Variants in CCDC88A observed in about 807,000 individuals in gnomAD.
CCDC88A encodes coiled-coil and HOOK domain protein 88A.
CCDC88A carries 54 observed loss-of-function variants against 234.3 expected under a neutral mutation model. The observed-to-expected ratio is 0.23, with a 90% CI of 0.19 to 0.29. The LOEUF (loss-of-function observed/expected upper bound fraction) is 0.29, where lower values mean the gene tolerates loss of function less well. CCDC88A is among the 10% of genes least tolerant of loss of function. The pLI is 1.00. For missense variants in CCDC88A, 1,832 were observed against 2,123.4 expected (o/e 0.86, Z 2.70); for synonymous variants, 753 against 737.8 (o/e 1.02, Z -0.33).
chr2:55,341,140 CTTTTTTTTTTTTTT>C (rs562623314), intron 12 of CCDC88A, among the ~76,000 whole-genome samples: 1 of 81,364 alleles, frequency 1.2e-5, no homozygotes. Flanking sequence ...GAATTTCTTT[CTTTTTTTTTTTTTT>C]TTTTTTTTTG....
intron 17 of CCDC88A, among the ~76,000 whole-genome samples, chr2:55,325,281 C>T (rs1005896970): frequency 6.6e-6 from 1 of 152,138 alleles, no homozygotes; most frequent in Admixed American, 6.5e-5. Flanking sequence ...TAAATTCATC[C>T]ATAAGTATTT....
chr2:55,301,337 T>C, intron 27 of CCDC88A, 60 bp from the exon 28 acceptor site: 1 of 882,684 alleles, frequency 1.1e-6, no homozygotes, highest in South Asian at 1.6e-5. Flanking sequence ...CATTATAAAA[T>C]TTTATTTACA....
At chr2:55,304,050 T>C (rs1206355465) in intron 25 of CCDC88A, among the ~76,000 whole-genome samples, 1 of 152,214 alleles carries the variant, frequency 6.6e-6, no homozygotes, top group African/African-American at 2.4e-5. Flanking sequence ...AGCTTCTGCC[T>C]GTAATCCCAG....
rs1680022700 is a variant in CCDC88A at position 55,296,272 on chromosome 2, G to A, written c.5077C>T (p.Leu1693Phe). The change falls in exon 30 of 33, where the codon CTT becomes TTT. Residue 1693 changes from leucine (L) to phenylalanine (F), a missense_variant. Transcript: ENST00000436346. ...LQQFLEESNK[L>F]TSVQIKSSSQ... ...ATAAAACTAACCTGTACTGAGGTAA[G>A]CTTATTGCTTTCTTCCAAAAACTGT... 1.2e-6 allele frequency: 2 copies of A among 1,613,868 alleles called. No homozygotes were observed. Among genetic ancestry groups the A allele is most frequent in the Admixed American group, 3.3e-5 (2 of 59,988 alleles).
At chr2:55,374,765 A>G (rs1353748307) in intron 4 of CCDC88A, 49 bp downstream of exon 4, 1 of 1,137,262 alleles carries the variant, frequency 8.8e-7, no homozygotes, top group South Asian at 1.3e-5. Context: ...ACATCATAGT[A>G]TTACACAAAG....
intron 7 of CCDC88A, among the ~76,000 whole-genome samples, chr2:55,361,194 A>G (rs539283906): frequency 1.3e-5 from 2 of 152,310 alleles, no homozygotes; most frequent in African/African-American, 4.8e-5. Context: ...TATCTTTAAC[A>G]ACTTGAAATA....
intron 16 of CCDC88A, among the ~76,000 whole-genome samples, chr2:55,331,283 T>A (rs1314877680): frequency 6.6e-6 from 1 of 152,220 alleles, no homozygotes; most frequent in East Asian, 1.9e-4. Context: ...CAAATAAAAA[T>A]ATTTCCTCAT....
rs1681934617 is a variant in CCDC88A, at chr2:55,419,091, T to C, written c.-12A>G. Reference sequence around the variant, plus strand: ...ATTTCGTTCTCCATTTTACAGAGTATGTATTTGAAAAAAGGAACTACCACA... The same window carrying C: ...ATTTCGTTCTCCATTTTACAGAGTACGTATTTGAAAAAAGGAACTACCACA... On this transcript the variant is annotated 5_prime_UTR_variant, in exon 1 of 33. Coordinates refer to ENST00000436346, the MANE Select transcript of CCDC88A (RefSeq NM_001365480.1). 3.8e-6 allele frequency: 6 copies of C among 1,585,592 alleles called. No individual in the cohort carries two copies. The highest frequency in any genetic ancestry group is 1.7e-5 in the Admixed American group (1 of 59,524).
At chr2:55,413,820 C>T (rs771301479) in intron 2 of CCDC88A, among the ~76,000 whole-genome samples, 14 of 151,822 alleles carry the variant, frequency 9.2e-5, no homozygotes, top group Admixed American at 2.6e-4. Flanking sequence ...AGCATGGTAG[C>T]GCGTGCCTGT....
intron 3 of CCDC88A, among the ~76,000 whole-genome samples, chr2:55,386,602 G>T (rs888786920): frequency 1.3e-5 from 2 of 151,554 alleles, no homozygotes; most frequent in African/African-American, 4.9e-5. Flanking sequence ...CTCCTGAGTA[G>T]CTGAGATTAC....
In CCDC88A at chr2:55,315,910, T is replaced by G. The variant is rs763031848; in HGVS notation, c.3933+18A>C. On this transcript the variant is annotated intron_variant, in intron 22 of 32. Coordinates refer to ENST00000436346, the MANE Select transcript of CCDC88A (RefSeq NM_001365480.1). ...GTGCCTAAATGAAGGACACAGTGAT[T>G]AAACTTTTTAAGCTCACCTCACACT... is the stretch of plus-strand genomic sequence containing the variant. 18 of 1,435,220 alleles carry G rather than the reference T, an allele frequency of 1.3e-5. No individual in the cohort carries two copies. Among genetic ancestry groups the G allele is most frequent in the Non-Finnish European group, 1.6e-5 (17 of 1,076,972 alleles). 88.9% of individuals were successfully genotyped at this position (1,435,220 alleles called of 1,614,324 possible). A position where few individuals can be genotyped will look rare whatever the true frequency, so the allele number is the denominator to read the frequency against.
intron 22 of CCDC88A, chr2:55,314,783 C>A (rs1438814370): frequency 6.6e-6 from 1 of 152,220 alleles, no homozygotes; most frequent in Non-Finnish European, 1.5e-5. Context: ...GCACCTGGAT[C>A]AAGAAACAGA....
intron 17 of CCDC88A, among the ~76,000 whole-genome samples, chr2:55,327,166 G>A (rs926421895): frequency 3.9e-5 from 6 of 151,986 alleles, no homozygotes; most frequent in South Asian, 2.1e-4. Flanking sequence ...ATGTATGTTC[G>A]ATGGCAATGT....
Position 55,419,517 on chromosome 2 carries a change from G to T in CCDC88A, c.-438C>A. The T allele has an allele frequency of 3.1e-5, 5 of 161,240 alleles. No homozygotes were observed. The highest frequency in any genetic ancestry group is 1.9e-4 in the East Asian group (1 of 5,338). 10.0% of individuals were successfully genotyped at this position (161,240 alleles called of 1,614,324 possible). A position where few individuals can be genotyped will look rare whatever the true frequency, so the allele number is the denominator to read the frequency against. ...ACAGAGACCACGTTAAGGATACCGAGGCGCCACCAGACTCGACCTCGGCGT... is the reference window on the plus strand; with the variant it reads ...ACAGAGACCACGTTAAGGATACCGATGCGCCACCAGACTCGACCTCGGCGT... On this transcript the variant is annotated 5_prime_UTR_variant, in exon 1 of 33. Coordinates refer to ENST00000436346, the MANE Select transcript of CCDC88A (RefSeq NM_001365480.1).
At chr2:55,303,014 G>T in intron 26 of CCDC88A, 55 bp downstream of exon 26, 1 of 1,088,794 alleles carries the variant, frequency 9.2e-7, no homozygotes, top group East Asian at 2.6e-5. Context: ...TGAAAAATTA[G>T]TAATGAAAGC....
intron 2 of CCDC88A, among the ~76,000 whole-genome samples, chr2:55,416,328 A>C (rs965010605): frequency 2.0e-5 from 3 of 149,572 alleles, no homozygotes; most frequent in African/African-American, 7.3e-5. Context: ...GAAACAAAGA[A>C]GACTGAAAGA....
rs533920010 is a variant in CCDC88A at position 55,295,994 on chromosome 2, A to G, written c.5154T>C (p.Ser1718=). ...DEVMKSLSVS[S]DFLGKDKPVS... ...CTGGTTTGTCTTTTCCCAAAAAGTC[A>G]GAAGAGACAGACAAACTTTTCATTA... Residue 1718 remains serine, a synonymous_variant, in exon 31 of 33, where the codon TCT becomes TCC. Coordinates refer to ENST00000436346, the MANE Select transcript of CCDC88A (RefSeq NM_001365480.1). 1 of 1,611,502 alleles carries G rather than the reference A, an allele frequency of 6.2e-7. No individual in the cohort carries two copies. Among genetic ancestry groups the G allele is most frequent in the Admixed American group, 1.7e-5 (1 of 59,260 alleles).
chr2:55,384,371 G>C (rs980551454), intron 3 of CCDC88A, among the ~76,000 whole-genome samples: 4 of 148,942 alleles, frequency 2.7e-5, no homozygotes, highest in African/African-American at 9.8e-5. Context: ...GGTGATAACA[G>C]TGCTAATTTC....
At chr2:55,391,502 C>T (rs1294147138) in intron 2 of CCDC88A, among the ~76,000 whole-genome samples, 2 of 152,076 alleles carry the variant, frequency 1.3e-5, no homozygotes, top group African/African-American at 4.8e-5. Context: ...ATGGAAATAA[C>T]AGACAAGGAC....
Sources: allele counts gnomAD v4.1 joint callset (sites outside exome capture counted in the v4.1 genomes callset), GRCh38; gene constraint gnomAD v4.1.1; transcripts MANE v1.5; gene names NCBI Gene and HGNC (gene_info 2026-07-23, HGNC 2026-07-21).